OCA2: variants seen among roughly 807,000 people sequenced by gnomAD.
OCA2 encodes P protein.
Under a neutral mutation model 100.2 loss-of-function variants are expected in OCA2, and 77 were observed. The ratio of observed to expected loss-of-function variants is 0.77; its 90% confidence interval spans 0.64 to 0.93. The LOEUF is 0.93. Ranked by LOEUF, OCA2 falls within the 40% of genes least tolerant of loss-of-function variation. The pLI, the probability that OCA2 is intolerant of heterozygous loss-of-function variation, is 0.00. For missense variants in OCA2, 1,062 were observed against 1,089.1 expected (o/e 0.98, Z 0.35); for synonymous variants, 432 against 439.2 (o/e 0.98, Z 0.21).
At chr15:27,966,162 G>C (rs1047309838) in intron 15 of OCA2, among the ~76,000 whole-genome samples, 1 of 152,118 alleles carries the variant, frequency 6.6e-6, no homozygotes, top group Non-Finnish European at 1.5e-5. Context: ...GTAGAGACGG[G>C]GTTTCACCAT....
At chr15:27,906,018 G>A (rs1355376221) in intron 19 of OCA2, among the ~76,000 whole-genome samples, 1 of 152,162 alleles carries the variant, frequency 6.6e-6, no homozygotes, top group Non-Finnish European at 1.5e-5. Context: ...TTGAACTCAA[G>A]GATGAGGTAA....
At chr15:27,919,509 G>A (rs897924135) in intron 19 of OCA2, among the ~76,000 whole-genome samples, 8 of 152,154 alleles carry the variant, frequency 5.3e-5, no homozygotes, top group African/African-American at 1.9e-4. Context: ...CTAAATGAAA[G>A]AGGCCAATGT....
At chr15:27,958,232 G>T (rs1419531119) in intron 15 of OCA2, among the ~76,000 whole-genome samples, 1 of 152,190 alleles carries the variant, frequency 6.6e-6, no homozygotes, top group Non-Finnish European at 1.5e-5. Context: ...GCGAAGTAAT[G>T]CAATTTCAAC....
chr15:28,067,208 T>C (rs1054323186), intron 2 of OCA2, among the ~76,000 whole-genome samples: 11 of 152,214 alleles, frequency 7.2e-5, no homozygotes, highest in South Asian at 4.1e-4. Context: ...ATTCATCTTA[T>C]AGACTCAATG....
chr15:27,743,536 G>C, the OCA2 span, among the ~76,000 whole-genome samples: 4 of 152,154 alleles, frequency 2.6e-5, no homozygotes, highest in African/African-American at 9.7e-5. Flanking sequence ...GCTTATTCCA[G>C]AGTGTCAGCA....
downstream of OCA2, among the ~76,000 whole-genome samples, chr15:27,750,465 A>C (rs2030030603): frequency 6.6e-6 from 1 of 152,198 alleles, no homozygotes; most frequent in African/African-American, 2.4e-5. Flanking sequence ...ACAGTTGGTT[A>C]ATATTGGGCA....
In OCA2 at chr15:28,022,561, G is replaced by C. The variant is rs2042627652; in HGVS notation, c.586C>G (p.Leu196Val). ...CAGAGCTTTCCTTGATCCGGATATA[G>C]GCTGAACAAAATCTGTAACAATCAG... ...FVVLCSILFS[L>V]YPDQGKLWQL... The change falls in exon 6 of 24, where the codon CTA (leucine) becomes GTA (valine). Residue 196 changes from leucine (L) to valine (V), a missense_variant. Coordinates refer to ENST00000354638, the MANE Select transcript of OCA2 (RefSeq NM_000275.3). 2 of 1,613,518 alleles carry C rather than the reference G, an allele frequency of 1.2e-6. No individual in the cohort carries two copies. Among genetic ancestry groups the C allele is most frequent in the Middle Eastern group, 1.6e-4 (1 of 6,062 alleles).
chr15:27,787,547 G>A (rs749956442), intron 23 of OCA2, among the ~76,000 whole-genome samples: 2 of 151,858 alleles, frequency 1.3e-5, no homozygotes, highest in Non-Finnish European at 1.5e-5. Flanking sequence ...TGTTCAGAGC[G>A]TTCTTTTATA....
chr15:27,871,710 C>T (rs1430137047), intron 20 of OCA2, among the ~76,000 whole-genome samples, 153 bp downstream of exon 20: 1 of 152,172 alleles, frequency 6.6e-6, no homozygotes, highest in African/African-American at 2.4e-5. Context: ...CTCCCTTCAT[C>T]TCTGGGCTGC....
the OCA2 span, among the ~76,000 whole-genome samples, chr15:27,747,036 A>G: frequency 2.0e-5 from 3 of 152,170 alleles, no homozygotes; most frequent in Non-Finnish European, 2.9e-5. Flanking sequence ...TATCACTCCT[A>G]AATGTATCAA....
chr15:27,911,595 A>G (rs1567094846), intron 19 of OCA2, among the ~76,000 whole-genome samples: 1 of 152,134 alleles, frequency 6.6e-6, no homozygotes, highest in Non-Finnish European at 1.5e-5. Context: ...GGAGAAAACA[A>G]GAGAGAAGGG....
chr15:27,750,770 A>T (rs2030039928), downstream of OCA2, among the ~76,000 whole-genome samples: 1 of 152,378 alleles, frequency 6.6e-6, no homozygotes, highest in Non-Finnish European at 1.5e-5. Context: ...AGGTTGGCAC[A>T]GTTACCACAT....
intron 1 of OCA2, among the ~76,000 whole-genome samples, chr15:28,090,721 G>A (rs2044856302): frequency 6.6e-6 from 1 of 152,124 alleles, no homozygotes; most frequent in South Asian, 2.1e-4. Context: ...CAGCATAAAT[G>A]CTGGTATCAA....
chr15:27,743,186 G>T, the OCA2 span, among the ~76,000 whole-genome samples: 1 of 152,112 alleles, frequency 6.6e-6, no homozygotes, highest in Non-Finnish European at 1.5e-5. Flanking sequence ...CAGGGGAGCT[G>T]GCTGCCCGGC....
intron 18 of OCA2, among the ~76,000 whole-genome samples, chr15:27,938,644 CACACAG>C (rs1400082596): frequency 6.6e-6 from 1 of 152,178 alleles, no homozygotes; most frequent in East Asian, 1.9e-4. Flanking sequence ...CTAATGAGAA[CACACAG>C]ACACAGACAC....
intron 15 of OCA2, among the ~76,000 whole-genome samples, chr15:27,958,166 G>A (rs765314522): frequency 6.6e-6 from 1 of 152,230 alleles, no homozygotes; most frequent in African/African-American, 2.4e-5. Context: ...AAACCTGCAC[G>A]TTGTGCACAT....
intron 19 of OCA2, among the ~76,000 whole-genome samples, chr15:27,872,657 C>T (rs1191964491): frequency 2.0e-5 from 3 of 152,044 alleles, no homozygotes; most frequent in Non-Finnish European, 4.4e-5. Context: ...TTGGAAACAG[C>T]AGCTTGTCTG....
At chr15:27,729,491 A>G in the OCA2 span, among the ~76,000 whole-genome samples, 1 of 152,128 alleles carries the variant, frequency 6.6e-6, no homozygotes. Flanking sequence ...AATTGCCACA[A>G]TTCGTTACAC....
chr15:27,891,607 A>G (rs2037465091), intron 19 of OCA2, among the ~76,000 whole-genome samples: 1 of 152,204 alleles, frequency 6.6e-6, no homozygotes, highest in Admixed American at 6.5e-5. Flanking sequence ...ATGCCTATGC[A>G]TCTCATCACT....
Sources: allele counts gnomAD v4.1 joint callset (sites outside exome capture counted in the v4.1 genomes callset), GRCh38; gene constraint gnomAD v4.1.1; transcripts MANE v1.5; gene names NCBI Gene and HGNC (gene_info 2026-07-23, HGNC 2026-07-21).